PIP5K1A: variants seen among roughly 807,000 people sequenced by gnomAD.
PIP5K1A encodes phosphatidylinositol-4-phosphate 5-kinase type 1 alpha, also known as phosphatidylinositol 4-phosphate 5-kinase type-1 alpha.
PIP5K1A carries 46 observed loss-of-function variants against 72.9 expected under a neutral mutation model. The ratio of observed to expected loss-of-function variants is 0.63; its 90% CI spans 0.50 to 0.81. The LOEUF (loss-of-function observed/expected upper bound fraction) is 0.81, where lower values mean the gene tolerates loss of function less well. PIP5K1A is among the 30% of genes least tolerant of loss of function. The probability of loss-of-function intolerance (pLI) is 0.00; values close to 1 mark genes in which losing one functional copy is unlikely to be tolerated. For missense variants in PIP5K1A, 458 were observed against 706.1 expected (o/e 0.65, Z 3.98); for synonymous variants, 228 against 255.1 (o/e 0.89, Z 1.01).
chr1:151,199,889 C>T (rs587669656), intron 1 of PIP5K1A, among the ~76,000 whole-genome samples: 2 of 151,978 alleles, frequency 1.3e-5, no homozygotes, highest in African/African-American at 4.8e-5. Context: ...GCCATCTTTT[C>T]CCTCAGATAC....
chr1:151,209,232 A>G (rs1686422137), intron 1 of PIP5K1A, among the ~76,000 whole-genome samples: 1 of 152,066 alleles, frequency 6.6e-6, no homozygotes, highest in South Asian at 2.1e-4. Flanking sequence ...ATAACTGGGT[A>G]GATTTTGTTT....
intron 1 of PIP5K1A, among the ~76,000 whole-genome samples, chr1:151,207,751 T>C (rs146617958): frequency 0.019 from 2,937 of 151,526 alleles, 74 homozygotes; most frequent in African/African-American, 0.054. Context: ...AGGCTGGTCT[T>C]GAACTCCTGA....
intron 4 of PIP5K1A, 53 bp downstream of exon 4, chr1:151,227,453 C>A: frequency 8.4e-7 from 1 of 1,186,284 alleles, no homozygotes; most frequent in South Asian, 1.2e-5. Context: ...GCAGCTTACT[C>A]TGGGAACTCA....
chr1:151,207,706 A>G lies in PIP5K1A; in HGVS notation c.85+8625A>G, dbSNP rs763313574. Among the ~76,000 whole-genome samples, 16 of 151,042 alleles carry G rather than the reference A, an allele frequency of 1.1e-4. 2 individuals carry two copies. Among genetic ancestry groups the G allele is most frequent in the African/African-American group, 3.9e-4 (16 of 41,096 alleles). ...GCCACCACGCCTGGCTAATTTTTGTATTTTTAGCAGAGTCAGGGTTTCACC... is the reference window on the plus strand; with the variant it reads ...GCCACCACGCCTGGCTAATTTTTGTGTTTTTAGCAGAGTCAGGGTTTCACC... On this transcript the variant is annotated intron_variant, in intron 1 of 15. Transcript: ENST00000368888.
intron 14 of PIP5K1A, among the ~76,000 whole-genome samples, chr1:151,244,040 G>A (rs1692135381): frequency 6.6e-6 from 1 of 151,896 alleles, no homozygotes; most frequent in Non-Finnish European, 1.5e-5. Flanking sequence ...AGAGCCTGGT[G>A]TGGTGGCTCA....
At chr1:151,221,270 T>C (rs922327318) in intron 1 of PIP5K1A, among the ~76,000 whole-genome samples, 1 of 152,098 alleles carries the variant, frequency 6.6e-6, no homozygotes, top group Non-Finnish European at 1.5e-5. Flanking sequence ...GTTAATAACA[T>C]TAAAGAGAAA....
chr1:151,237,479 G>A (rs1017583908), intron 9 of PIP5K1A, among the ~76,000 whole-genome samples: 3 of 152,116 alleles, frequency 2.0e-5, no homozygotes, highest in African/African-American at 7.2e-5. Flanking sequence ...TGAGCATCAT[G>A]ATGAGACCTC....
chr1:151,223,908 C>G (rs1326984743), intron 1 of PIP5K1A: 7 of 264,902 alleles, frequency 2.6e-5, no homozygotes, highest in African/African-American at 1.6e-4. Flanking sequence ...GAATCACTTG[C>G]AGTGAGCTGA....
intron 1 of PIP5K1A, among the ~76,000 whole-genome samples, chr1:151,202,980 G>T (rs188514115): frequency 3.3e-5 from 5 of 152,192 alleles, no homozygotes; most frequent in African/African-American, 1.2e-4. Flanking sequence ...TGTTAGTCAG[G>T]CTGGTCTCAA....
chr1:151,247,466 C>G (rs1381352645), intron 15 of PIP5K1A, among the ~76,000 whole-genome samples: 7 of 152,054 alleles, frequency 4.6e-5, no homozygotes. Context: ...TGCTCTGTCA[C>G]CCAGGCTGGA....
chr1:151,218,689 C>T (rs933768071), intron 1 of PIP5K1A, among the ~76,000 whole-genome samples: 3 of 152,022 alleles, frequency 2.0e-5, no homozygotes, highest in Non-Finnish European at 2.9e-5. Flanking sequence ...CAAAAATTAG[C>T]TGGGTGTGGT....
At chr1:151,239,453 A>G (rs1691358838) in intron 11 of PIP5K1A, among the ~76,000 whole-genome samples, 1 of 151,622 alleles carries the variant, frequency 6.6e-6, no homozygotes, top group Admixed American at 6.6e-5. Flanking sequence ...TTGTATTTTT[A>G]GTAGAGATGG....
intron 12 of PIP5K1A, 154 bp downstream of exon 12, chr1:151,240,193 G>A: frequency 1.6e-6 from 1 of 644,222 alleles, no homozygotes; most frequent in Non-Finnish European, 2.7e-6. Context: ...TGTCCTTTGT[G>A]TTAGTCTGTC....
intron 5 of PIP5K1A, 100 bp from the exon 6 acceptor site, chr1:151,232,148 C>A (rs750979631): frequency 5.0e-6 from 4 of 792,710 alleles, no homozygotes; most frequent in Non-Finnish European, 8.9e-6. Context: ...TGTATTCCCC[C>A]ACTCCCCCCA....
chr1:151,196,650 G>A (rs1277170966), upstream of PIP5K1A, among the ~76,000 whole-genome samples: 1 of 150,428 alleles, frequency 6.6e-6, no homozygotes, highest in Non-Finnish European at 1.5e-5. Flanking sequence ...TGCCTCCCAG[G>A]TTCAATCAAT....
At chr1:151,242,592 A>C (rs773670580) in intron 14 of PIP5K1A, 25 bp downstream of exon 14, 1 of 1,599,078 alleles carries the variant, frequency 6.3e-7, no homozygotes, top group Admixed American at 1.7e-5. Context: ...CCCTTTCTCC[A>C]TATAATCTTA....
chr1:151,237,010 G>A (rs1006226323), intron 9 of PIP5K1A, among the ~76,000 whole-genome samples: 15 of 151,846 alleles, frequency 9.9e-5, no homozygotes, highest in African/African-American at 3.6e-4. Context: ...TGTATTTTTA[G>A]TAGAGAAGGG....
At chr1:151,245,417 C>G (rs1692353132) in intron 14 of PIP5K1A, among the ~76,000 whole-genome samples, 1 of 152,132 alleles carries the variant, frequency 6.6e-6, no homozygotes, top group African/African-American at 2.4e-5. Context: ...ATTCAGGACA[C>G]TACCTTTTCA....
At position 151,248,000 on chromosome 1, in the gene PIP5K1A, T is replaced by A; in HGVS notation, c.*135T>A. On this transcript the variant is annotated 3_prime_UTR_variant, in exon 16 of 16. Transcript: ENST00000368888. ...GGAGTGTAATAGAAGTGAGGGGAGCTGCTCCTCCATCTTCTTCCTGAAGAA... is the reference window on the plus strand; with the variant it reads ...GGAGTGTAATAGAAGTGAGGGGAGCAGCTCCTCCATCTTCTTCCTGAAGAA... 1 of 763,720 alleles carries A rather than the reference T, an allele frequency of 1.3e-6. No homozygotes were observed. The highest frequency in any genetic ancestry group is 2.3e-6 in the Non-Finnish European group (1 of 434,888). 47.3% of individuals were successfully genotyped at this position (763,720 alleles called of 1,614,324 possible).
Sources: allele counts gnomAD v4.1 joint callset (sites outside exome capture counted in the v4.1 genomes callset), GRCh38; gene constraint gnomAD v4.1.1; transcripts MANE v1.5; gene names NCBI Gene and HGNC (gene_info 2026-07-23, HGNC 2026-07-21).